Variants in TRIM7 observed in about 807,000 individuals in gnomAD.
TRIM7 encodes the protein E3 ubiquitin-protein ligase TRIM7.
A neutral mutation model predicts 37.9 loss-of-function variants in TRIM7; 32 were observed. The ratio of observed to expected loss-of-function variants is 0.84; its 90% CI spans 0.64 to 1.13. TRIM7 has a LOEUF of 1.13. TRIM7 is among the 50% of genes most tolerant of loss of function. TRIM7 has a pLI of 0.00. For missense variants in TRIM7, 732 were observed against 714.0 expected (o/e 1.03, Z -0.29); for synonymous variants, 351 against 321.3 (o/e 1.09, Z -0.99).
intron 2 of TRIM7, 76 bp downstream of exon 2, chr5:181,203,469 A>G: frequency 6.3e-7 from 1 of 1,598,576 alleles, no homozygotes; most frequent in Non-Finnish European, 8.5e-7. Flanking sequence ...CTCCAACACC[A>G]CACACACCGA....
At position 181,195,595 on chromosome 5, in the gene TRIM7, C is replaced by G. The variant is rs1229858391; in HGVS notation, c.1107G>C (p.Arg369=). ...AGGGGTGGTTGGGCAGGTCCTGGGC[C>G]CGCTCGCCGAGGCGCACGCCCTTAA... ...LDLKGVRLGE[R]AQDLPNHPCR... is the part of the protein sequence containing the mutation. The change falls in exon 7 of 7, where the codon CGG becomes CGC. Residue 369 remains arginine (R), a synonymous_variant. Coordinates refer to ENST00000274773, the MANE Select transcript of TRIM7 (RefSeq NM_203293.3). 1.3e-5 allele frequency: 20 copies of G among 1,593,824 alleles called. No homozygotes were observed. Among genetic ancestry groups the G allele is most frequent in the Non-Finnish European group, 1.7e-5 (20 of 1,167,374 alleles).
In TRIM7 at chr5:181,204,886, T is replaced by C. The variant is rs1757729078; in HGVS notation, c.225A>G (p.Pro75=). 1.5e-6 allele frequency: 2 copies of C among 1,367,602 alleles called. No individual in the cohort carries two copies. The highest frequency in any genetic ancestry group is 3.5e-5 in the South Asian group (2 of 57,800). 84.7% of individuals were successfully genotyped at this position (1,367,602 alleles called of 1,614,324 possible). ...VGAATRAPPF[P]LPCPQCREPA... is the part of the protein sequence containing the mutation. ...GCTCGCGGCACTGCGGACAGGGCAGTGGGAAGGGGGGCGCGCGGGTGGCGG... is the reference window on the plus strand; with the variant it reads ...GCTCGCGGCACTGCGGACAGGGCAGCGGGAAGGGGGGCGCGCGGGTGGCGG... The change falls in exon 1 of 7, where the codon CCA becomes CCG. Residue 75 remains proline, a synonymous_variant. Coordinates refer to ENST00000274773, the MANE Select transcript of TRIM7 (RefSeq NM_203293.3).
At chr5:181,200,229 C>T (rs1757396470) in intron 2 of TRIM7, 148 bp from the exon 3 acceptor site, 5 of 1,529,922 alleles carry the variant, frequency 3.3e-6, no homozygotes, top group Non-Finnish European at 4.4e-6. Flanking sequence ...AGTGCGTGCT[C>T]TATTGTCAGT....
At chr5:181,197,520 G>A (rs10061531) in intron 6 of TRIM7, 22,673 of 152,826 alleles carry the variant, frequency 0.15, 4,983 homozygotes, top group African/African-American at 0.49. Flanking sequence ...AGGAACAGCA[G>A]GGAGGATGTG....
At chr5:181,203,159 C>A in intron 2 of TRIM7, 1 of 590,956 alleles carries the variant, frequency 1.7e-6, no homozygotes, top group Non-Finnish European at 2.2e-6. Context: ...TGCCATGAGG[C>A]TCTTTATTGT....
Position 181,205,011 on chromosome 5 carries a change from C to G in TRIM7, c.100G>C (p.Glu34Gln). 6.7e-6 allele frequency: 10 copies of G among 1,481,980 alleles called. No individual in the cohort carries two copies. Among genetic ancestry groups the G allele is most frequent in the Non-Finnish European group, 8.9e-6 (10 of 1,124,212 alleles). The allele number at this position is 1,481,980 out of a possible 1,614,324, so 91.8% of individuals were successfully genotyped here. The change falls in exon 1 of 7, where the codon GAG becomes CAG. Residue 34 changes from glutamate (E) to glutamine (Q), a missense_variant. By Grantham distance (29) the Glu-to-Gln change is conservative (BLOSUM62 2). Transcript: ENST00000274773. The stretch of plus-strand genomic sequence containing the variant: ...ACGGACACCGGCTCACGAAAGAGCT[C>G]TAGGCAGATGGAGCACGTCGCCTCG... ...QGEATCSICL[E>Q]LFREPVSVEC... is the part of the protein sequence containing the mutation.
rs760982934 is a variant in TRIM7, at chr5:181,204,898, C to A, written c.213G>T (p.Ala71=). 3 of 1,370,462 alleles carry A rather than the reference C, an allele frequency of 2.2e-6. No individual in the cohort carries two copies. The highest frequency in any genetic ancestry group is 3.1e-5 in the African/African-American group (2 of 65,048). The allele number at this position is 1,370,462 out of a possible 1,614,324, so 84.9% of individuals were successfully genotyped here. A position where few individuals can be genotyped will look rare whatever the true frequency, so the allele number is the denominator to read the frequency against. ...GCGGACAGGGCAGTGGGAAGGGGGG[C>A]GCGCGGGTGGCGGCCCCAACAGACC... The part of the protein sequence containing the change: ...GAGSVGAATR[A]PPFPLPCPQC... Residue 71 remains alanine (A), a synonymous_variant, in exon 1 of 7, where the codon GCG becomes GCT. Coordinates refer to ENST00000274773, the MANE Select transcript of TRIM7 (RefSeq NM_203293.3).
chr5:181,199,862 C>G lies in TRIM7; in HGVS notation c.838G>C (p.Asp280His). 1 of 1,613,556 alleles carries G rather than the reference C, an allele frequency of 6.2e-7. No homozygotes were observed. Among genetic ancestry groups the G allele is most frequent in the Non-Finnish European group, 8.5e-7 (1 of 1,179,696 alleles). The change falls in exon 3 of 7, where the codon GAC becomes CAC. Residue 280 changes from aspartate to histidine, a missense_variant. Asp to His is a moderately conservative substitution (Grantham distance 81). Coordinates refer to ENST00000274773, the MANE Select transcript of TRIM7 (RefSeq NM_203293.3). ...TGAGCCAGACTTACCTGGAGAAAGT[C>G]AAGGTCAGGCTTTTGAGCTGTCTCC... ...IQETAQKPDL[D>H]FLQEFKSTLS...
At chr5:181,203,213 A>G (rs1010806657) in intron 2 of TRIM7, 1 of 1,000,924 alleles carries the variant, frequency 1.0e-6, no homozygotes, top group African/African-American at 1.7e-5. Context: ...CTCTGCAGAA[A>G]TAGTAATGTG....
At chr5:181,199,011 T>G (rs1582228817) in intron 4 of TRIM7, 84 bp downstream of exon 4, 1 of 1,563,512 alleles carries the variant, frequency 6.4e-7, no homozygotes, top group East Asian at 2.2e-5. Context: ...AGGTGAGAGG[T>G]CAGGGGACAG....
Position 181,198,747 on chromosome 5 carries a change from C to G in TRIM7, c.931G>C (p.Val311Leu), listed in dbSNP as rs761380942. The G allele has an allele frequency of 4.3e-6, 7 of 1,614,144 alleles. No individual in the cohort carries two copies. Among genetic ancestry groups the G allele is most frequent in the Non-Finnish European group, 5.1e-6 (6 of 1,180,014 alleles). The change falls in exon 5 of 7, where the codon GTC becomes CTC. Residue 311 changes from valine to leucine, a missense_variant. By Grantham distance (32) the Val-to-Leu change is conservative (BLOSUM62 1). Transcript: ENST00000274773. ...AAGGTCTTGAGAGAAACATTCCAGA[C>G]TTTATTCTTCATCTCAGAAGAGACT... ...TTVSSEMKNKVWNVSLKTFVL... is the reference protein window; with the variant it reads ...TTVSSEMKNKLWNVSLKTFVL...
intron 1 of TRIM7, 152 bp from the exon 2 acceptor site, chr5:181,203,792 C>T: frequency 7.1e-7 from 1 of 1,404,554 alleles, no homozygotes; most frequent in Non-Finnish European, 9.2e-7. Context: ...ACAGGTTACA[C>T]TGCGAGGTGA....
In TRIM7 at chr5:181,195,157, C is replaced by T. The variant is rs1415584237; in HGVS notation, c.*9G>A. 1 of 1,583,916 alleles carries T rather than the reference C, an allele frequency of 6.3e-7. No individual in the cohort carries two copies. Among genetic ancestry groups the T allele is most frequent in the Admixed American group, 1.7e-5 (1 of 58,326 alleles). Reference sequence around the variant, plus strand: ...CAGCCCAGAGACAGGAGCTCCCCAGCAGTGCCCCTCAAGGCCAGATTCGCA... The same window carrying T: ...CAGCCCAGAGACAGGAGCTCCCCAGTAGTGCCCCTCAAGGCCAGATTCGCA... On this transcript the variant is annotated 3_prime_UTR_variant, in exon 7 of 7. Transcript: ENST00000274773.
intron 6 of TRIM7, chr5:181,195,998 G>A (rs1757096034): frequency 3.1e-6 from 1 of 325,068 alleles, no homozygotes; most frequent in Non-Finnish European, 5.6e-6. Flanking sequence ...TGTGAGGACT[G>A]CTTTGTGGTT....
chr5:181,194,883 A>T lies in TRIM7; in HGVS notation c.*283T>A, dbSNP rs186313941. 6.6e-5 allele frequency: 25 copies of T among 377,590 alleles called. 1 individual carries two copies. Among genetic ancestry groups the T allele is most frequent in the South Asian group, 6.0e-4 (9 of 14,986 alleles). The allele number at this position is 377,590 out of a possible 1,614,324, so 23.4% of individuals were successfully genotyped here. ...CCCAGTCAGGGCAGAAGCCCCCTGG[A>T]GAGCTGGGCTCCTGACCTCACCGGC... On this transcript the variant is annotated 3_prime_UTR_variant, in exon 7 of 7. Coordinates refer to ENST00000274773, the MANE Select transcript of TRIM7 (RefSeq NM_203293.3).
At chr5:181,198,099 C>T (rs1757244770) in intron 6 of TRIM7, 84 bp downstream of exon 6, 1 of 1,528,702 alleles carries the variant, frequency 6.5e-7, no homozygotes, top group African/African-American at 1.4e-5. Context: ...CGACCATATG[C>T]AAAACCCTGA....
rs943325101 is a variant in TRIM7 at position 181,194,459 on chromosome 5, A to C, written c.*707T>G. ...AGCAGCGTTTGTACTTTGGCACTGG[A>C]AAGTGCGGGAGTCAGGGGTTTGTGA... On this transcript the variant is annotated 3_prime_UTR_variant, in exon 7 of 7. Coordinates refer to ENST00000274773, the MANE Select transcript of TRIM7 (RefSeq NM_203293.3). 3.5e-5 allele frequency: 5 copies of C among 142,942 alleles called. No homozygotes were observed. The highest frequency in any genetic ancestry group is 1.5e-4 in the African/African-American group (5 of 32,548). 8.9% of individuals were successfully genotyped at this position (142,942 alleles called of 1,614,324 possible).
At chr5:181,200,342 A>G in intron 2 of TRIM7, 3 of 1,417,966 alleles carry the variant, frequency 2.1e-6, no homozygotes, top group Non-Finnish European at 2.7e-6. Context: ...CACCTAAACC[A>G]AGGCAGCTTC....
Position 181,195,039 on chromosome 5 carries a change from G to T in TRIM7, c.*127C>A, listed in dbSNP as rs528139187. The T allele has an allele frequency of 8.2e-7, 1 of 1,222,182 alleles. No homozygotes were observed. The highest frequency in any genetic ancestry group is 1.1e-6 in the Non-Finnish European group (1 of 882,072). The allele number at this position is 1,222,182 out of a possible 1,614,324, so 75.7% of individuals were successfully genotyped here. ...CTCCTGCCTCGGGGTTGTGTCTGTA[G>T]CAGGCTCTCTTGGGCAGCAGGGGTC... is the stretch of plus-strand genomic sequence containing the variant. On this transcript the variant is annotated 3_prime_UTR_variant, in exon 7 of 7. Coordinates refer to ENST00000274773, the MANE Select transcript of TRIM7 (RefSeq NM_203293.3).
Sources: gnomAD v4.1 joint callset for allele counts on GRCh38, gnomAD v4.1.1 for gene constraint, MANE v1.5 for transcripts, NCBI Gene and HGNC (gene_info 2026-07-23, HGNC 2026-07-21) for gene names.